The following ANGPT2 variants were observed in gnomAD, a reference collection of about 807,000 sequenced individuals.
The protein encoded by ANGPT2 is angiopoietin-2.
ANGPT2 carries 28 observed loss-of-function variants against 62.9 expected under a neutral mutation model. That is an observed-to-expected ratio of 0.44 (90% CI 0.33 to 0.61). The LOEUF is 0.61. ANGPT2 is among the 20% of genes least tolerant of loss of function. The probability of loss-of-function intolerance (pLI) is 0.03; values close to 1 mark genes in which losing one functional copy is unlikely to be tolerated. For missense variants in ANGPT2, 727 were observed against 594.9 expected, an observed-to-expected ratio of 1.22 and a Z score of -2.31; for synonymous variants, 284 against 207.8, an observed-to-expected ratio of 1.37 and a Z score of -3.15.
intron 1 of ANGPT2, among the ~76,000 whole-genome samples, chr8:6,556,428 G>A (rs1046210005): frequency 6.6e-6 from 1 of 152,052 alleles, no homozygotes; most frequent in Non-Finnish European, 1.5e-5. Context: ...TTTCCGTGTA[G>A]TGACCAAGGA....
chr8:6,522,003 T>C (rs940342485), intron 3 of ANGPT2, among the ~76,000 whole-genome samples: 8 of 152,200 alleles, frequency 5.3e-5, no homozygotes, highest in Non-Finnish European at 7.4e-5. Flanking sequence ...TCCTCACCTG[T>C]TAATTAGGAT....
intron 3 of ANGPT2, among the ~76,000 whole-genome samples, chr8:6,526,823 TC>T (rs1200682984): frequency 6.6e-6 from 1 of 152,206 alleles, no homozygotes; most frequent in Non-Finnish European, 1.5e-5. Context: ...CATAAAATTA[TC>T]CTCTTTTGTC....
intron 7 of ANGPT2, among the ~76,000 whole-genome samples, chr8:6,512,687 A>C (rs544546702): frequency 6.6e-6 from 1 of 152,178 alleles, no homozygotes; most frequent in Non-Finnish European, 1.5e-5. Context: ...TATCTTGCAC[A>C]CTAGGTTGTC....
Position 6,517,300 on chromosome 8 carries a change from A to C in ANGPT2, c.928-2522T>G, listed in dbSNP as rs964639590. On this transcript the variant is annotated intron_variant, in intron 5 of 8. Transcript: ENST00000629816. ...CTATAAAGCTTGATGTTTTTCAGCA[A>C]ATAATACTTGACTTGCTTCAACTCT... 2.0e-5 allele frequency among the ~76,000 whole-genome samples: 3 copies of C among 152,220 alleles called. No homozygotes were observed. In the East Asian group the frequency reaches 5.8e-4, roughly 29 times the overall value.
intron 8 of ANGPT2, chr8:6,508,684 C>G (rs918561933): frequency 1.7e-6 from 1 of 601,912 alleles, no homozygotes; most frequent in African/African-American, 1.9e-5. Context: ...TATCCCCTCT[C>G]CTTGCCAGGG....
chr8:6,514,696 G>C lies in ANGPT2; in HGVS notation c.1010C>G (p.Thr337Ser). Residue 337 changes from threonine to serine, a missense_variant, in exon 6 of 9, where the codon ACT (threonine) becomes AGT (serine). Physicochemically the swap from Thr to Ser is moderately conservative, Grantham distance 58. Coordinates refer to ENST00000629816, the MANE Select transcript of ANGPT2 (RefSeq NM_001118887.2). ...CCTTACCACTTTATATTCTTTCCAA[G>C]TCCTCTGAAAATCAACGCTGCCATC... ...REDGSVDFQR[T>S]WKEYKVGFGN... 1 of 1,613,946 alleles carries C rather than the reference G, an allele frequency of 6.2e-7. No homozygotes were observed.
At chr8:6,511,193 G>T (rs1815012183) in intron 7 of ANGPT2, among the ~76,000 whole-genome samples, 1 of 152,052 alleles carries the variant, frequency 6.6e-6, no homozygotes, top group African/African-American at 2.4e-5. Flanking sequence ...GTAATTTTAG[G>T]TCCTTTTGTG....
intron 7 of ANGPT2, among the ~76,000 whole-genome samples, chr8:6,511,896 C>G (rs978001071): frequency 8.0e-6 from 1 of 125,004 alleles, no homozygotes; most frequent in Non-Finnish European, 1.8e-5. Context: ...AATTTTTGTG[C>G]TTCTTTTTTT....
chr8:6,523,278 T>G (rs565080488), intron 3 of ANGPT2, among the ~76,000 whole-genome samples: 3 of 152,190 alleles, frequency 2.0e-5, no homozygotes, highest in Non-Finnish European at 4.4e-5. Flanking sequence ...ATTACAGGCA[T>G]GAGCCACCAC....
intron 2 of ANGPT2, among the ~76,000 whole-genome samples, chr8:6,529,580 C>T (rs926938954): frequency 2.0e-5 from 3 of 151,612 alleles, no homozygotes; most frequent in Non-Finnish European, 4.4e-5. Context: ...ACTAAGCCTC[C>T]CAAGTAACTG....
rs187117872 is a variant in ANGPT2, at chr8:6,506,106, C to A, written c.1327+2826G>T. The stretch of plus-strand genomic sequence containing the variant: ...TTTCATCCAGGTTCCTACATTGTTT[C>A]TTGGTGGTAACAGCTCAGTGACTTC... On this transcript the variant is annotated intron_variant, in intron 8 of 8. Coordinates refer to ENST00000629816, the MANE Select transcript of ANGPT2 (RefSeq NM_001118887.2). 2.7e-5 allele frequency among the ~76,000 whole-genome samples: 4 copies of A among 150,840 alleles called. No homozygotes were observed. In the East Asian group the frequency reaches 7.8e-4, roughly 29 times the overall value.
intron 2 of ANGPT2, among the ~76,000 whole-genome samples, chr8:6,530,553 A>T (rs1819296276): frequency 9.9e-6 from 1 of 100,534 alleles, no homozygotes; most frequent in Admixed American, 1.1e-4. Flanking sequence ...ATCTGCAGTT[A>T]CTTTTGGTCC....
chr8:6,507,434 TA>T (rs1813967892), intron 8 of ANGPT2: 1 of 152,226 alleles, frequency 6.6e-6, no homozygotes, highest in East Asian at 1.9e-4. Context: ...GTTGCTACTT[TA>T]AATCTTTCAG....
Position 6,521,162 on chromosome 8 carries a change from T to G in ANGPT2, c.799+16A>C. ...AAGGTTATTAACGCTGAAGAAAGCA[T>G]GATATGTAAACTTACAGTTTGATGT... is the stretch of plus-strand genomic sequence containing the variant. On this transcript the variant is annotated intron_variant, in intron 4 of 8. Coordinates refer to ENST00000629816, the MANE Select transcript of ANGPT2 (RefSeq NM_001118887.2). 1.2e-6 allele frequency: 2 copies of G among 1,600,946 alleles called. No homozygotes were observed. Among genetic ancestry groups the G allele is most frequent in the Non-Finnish European group, 1.7e-6 (2 of 1,169,430 alleles).
At chr8:6,505,285 T>TATTC (rs1563305563) in intron 8 of ANGPT2, among the ~76,000 whole-genome samples, 21 of 105,288 alleles carry the variant, frequency 2.0e-4, no homozygotes, top group Non-Finnish European at 2.6e-4. Context: ...TACATATATA[T>TATTC]GTTATATACA....
At chr8:6,527,420 C>T (rs1271974602) in intron 3 of ANGPT2, 135 bp downstream of exon 3, 1 of 1,059,764 alleles carries the variant, frequency 9.4e-7, no homozygotes, top group Non-Finnish European at 1.3e-6. Context: ...CTCCCTTCTC[C>T]TCCCTCATGA....
intron 1 of ANGPT2, among the ~76,000 whole-genome samples, chr8:6,550,706 C>T (rs945327167): frequency 4.6e-5 from 7 of 152,146 alleles, no homozygotes; most frequent in African/African-American, 1.7e-4. Flanking sequence ...TTGTAAGAGG[C>T]TCTGAAAGGA....
At position 6,500,011 on chromosome 8, in the gene ANGPT2, T is replaced by C; in HGVS notation, c.*3090A>G. ...TTATAAACATAAGGGTGGACTTAAG[T>C]TTTTATCCAGTCAAGCACAATTATG... On this transcript the variant is annotated 3_prime_UTR_variant, in exon 9 of 9. Coordinates refer to ENST00000629816, the MANE Select transcript of ANGPT2 (RefSeq NM_001118887.2). 8.3e-7 allele frequency: 1 copy of C among 1,204,752 alleles called. No individual in the cohort carries two copies. The highest frequency in any genetic ancestry group is 1.2e-5 in the South Asian group (1 of 82,300). 74.6% of individuals were successfully genotyped at this position (1,204,752 alleles called of 1,614,324 possible). A position where few individuals can be genotyped will look rare whatever the true frequency, so the allele number is the denominator to read the frequency against.
intron 1 of ANGPT2, among the ~76,000 whole-genome samples, chr8:6,545,151 G>C (rs1281346385): frequency 2.0e-5 from 3 of 152,100 alleles, no homozygotes; most frequent in Non-Finnish European, 4.4e-5. Context: ...AAAGGTGATA[G>C]AAGTCAGAAT....
Sources: gnomAD v4.1 joint callset for allele counts (sites outside exome capture counted in the v4.1 genomes callset) on GRCh38, gnomAD v4.1.1 for gene constraint, MANE v1.5 for transcripts, NCBI Gene and HGNC (gene_info 2026-07-23, HGNC 2026-07-21) for gene names.